SIK2: variants seen among roughly 807,000 people sequenced by gnomAD.
SIK2 encodes salt inducible kinase 2.
In SIK2, 29 loss-of-function variants were observed where a neutral mutation model predicts 103.2. The observed-to-expected ratio is 0.28, with a 90% confidence interval of 0.21 to 0.38. SIK2 has a LOEUF of 0.38. SIK2 is among the 10% of genes least tolerant of loss of function. SIK2 has a pLI of 1.00. For synonymous variants in SIK2, 412 were observed against 446.1 expected (o/e 0.92, Z 0.96); for missense variants, 879 against 1,171.0 (o/e 0.75, Z 3.64).
chr11:111,646,623 C>G (rs185652775), intron 3 of SIK2, among the ~76,000 whole-genome samples: 5 of 152,118 alleles, frequency 3.3e-5, no homozygotes, highest in African/African-American at 4.8e-5. Context: ...CCCTCACCCC[C>G]GGGCAACCAC....
Position 111,722,855 on chromosome 11 carries a change from G to A in SIK2, c.2147+99G>A, listed in dbSNP as rs576683621. 2.6e-5 allele frequency: 29 copies of A among 1,109,602 alleles called. No individual in the cohort carries two copies. In the African/African-American group the frequency reaches 3.6e-4, roughly 14 times the overall value. The allele number at this position is 1,109,602 out of a possible 1,614,324, so 68.7% of individuals were successfully genotyped here. A position where few individuals can be genotyped will look rare whatever the true frequency, so the allele number is the denominator to read the frequency against. On this transcript the variant is annotated intron_variant, in intron 14 of 14. Coordinates refer to ENST00000304987, the MANE Select transcript of SIK2 (RefSeq NM_015191.3). This position sits in a 1 kb window ranked among gnomAD's most constrained non-coding sequence, Gnocchi z 4.4. ...TTTCCTCTCACATTCGCCACTACTAGGAAAATAGGTTTTCTGCGTGTGTCA... is the reference window on the plus strand; with the variant it reads ...TTTCCTCTCACATTCGCCACTACTAAGAAAATAGGTTTTCTGCGTGTGTCA...
Position 111,727,160 on chromosome 11 carries a change from G to C in SIK2, c.*3031G>C. The stretch of plus-strand genomic sequence containing the variant: ...AGCTGCCCCCTCGCCACCTCTGCCT[G>C]CACTGCCTTCTGTCACCGTGGGAAA... On this transcript the variant is annotated 3_prime_UTR_variant, in exon 15 of 15. Transcript: ENST00000304987. 1 of 917,230 alleles carries C rather than the reference G, an allele frequency of 1.1e-6. No individual in the cohort carries two copies. The allele number at this position is 917,230 out of a possible 1,614,324, so 56.8% of individuals were successfully genotyped here.
chr11:111,608,077 TGTACCTA>T (rs1941671789), intron 1 of SIK2, among the ~76,000 whole-genome samples: 1 of 152,198 alleles, frequency 6.6e-6, no homozygotes, highest in Non-Finnish European at 1.5e-5. Context: ...TCCGCTTTAA[TGTACCTA>T]GTACCTCTTC....
chr11:111,627,351 G>C (rs541923942), intron 3 of SIK2, among the ~76,000 whole-genome samples: 4 of 152,270 alleles, frequency 2.6e-5, no homozygotes, highest in Non-Finnish European at 5.9e-5. Context: ...GATATTTTGT[G>C]AGAGACCACA....
intron 3 of SIK2, chr11:111,671,945 G>A (rs1677114044): frequency 2.1e-6 from 1 of 480,884 alleles, no homozygotes; most frequent in Admixed American, 2.2e-5. Flanking sequence ...TGCCACCAAA[G>A]GGTGTTGATG....
chr11:111,713,990 A>G (rs1943572645), intron 9 of SIK2, among the ~76,000 whole-genome samples: 2 of 152,176 alleles, frequency 1.3e-5, no homozygotes, highest in African/African-American at 4.8e-5. Flanking sequence ...ATAAAATATG[A>G]TCAGTCCTTT....
chr11:111,689,062 T>C lies in SIK2; in HGVS notation c.478+900T>C, dbSNP rs560319898. Among the ~76,000 whole-genome samples the C allele has an allele frequency of 8.7e-4, 132 of 152,246 alleles. 1 individual carries two copies. Among genetic ancestry groups the C allele is most frequent in the African/African-American group, 3.1e-3 (129 of 41,546 alleles). ...ACTTGAGAGAGAAGTTAGAGAAGCT[T>C]GTCAGGAAGATAAACAGAAGCAGAA... On this transcript the variant is annotated intron_variant, in intron 4 of 14. Transcript: ENST00000304987.
chr11:111,698,585 T>A (rs1943134749), intron 4 of SIK2, among the ~76,000 whole-genome samples: 1 of 152,092 alleles, frequency 6.6e-6, no homozygotes, highest in Non-Finnish European at 1.5e-5. Flanking sequence ...CTACTAAAAA[T>A]ACAAAAATTA....
chr11:111,602,637 C>T lies in SIK2; in HGVS notation c.74C>T (p.Thr25Met), dbSNP rs1941598704. The change falls in exon 1 of 15, where the codon ACG becomes ATG. Residue 25 changes from threonine (T) to methionine (M), a missense_variant. Physicochemically the swap from Thr to Met is moderately conservative, Grantham distance 81. Coordinates refer to ENST00000304987, the MANE Select transcript of SIK2 (RefSeq NM_015191.3). This position sits in a 1 kb window ranked among gnomAD's most constrained non-coding sequence, Gnocchi z 4.5. ...GTGGGGTTCTACGACATCGAGGGCA[C>T]GCTGGGCAAGGGCAACTTCGCTGTG... Reference protein sequence around the residue: ...VRVGFYDIEGTLGKGNFAVVK... With the variant: ...VRVGFYDIEGMLGKGNFAVVK... 2.6e-6 allele frequency: 4 copies of T among 1,532,384 alleles called. No individual in the cohort carries two copies. Among genetic ancestry groups the T allele is most frequent in the Non-Finnish European group, 1.8e-6 (2 of 1,138,756 alleles). 94.9% of individuals were successfully genotyped at this position (1,532,384 alleles called of 1,614,324 possible).
At chr11:111,619,213 T>C (rs1352261925) in intron 2 of SIK2, among the ~76,000 whole-genome samples, 1 of 152,210 alleles carries the variant, frequency 6.6e-6, no homozygotes, top group Non-Finnish European at 1.5e-5. Flanking sequence ...AGGCCCAAAC[T>C]GTAGGTAGCT....
intron 4 of SIK2, among the ~76,000 whole-genome samples, chr11:111,694,366 A>G (rs1432740624): frequency 6.6e-6 from 1 of 152,196 alleles, no homozygotes; most frequent in East Asian, 1.9e-4. Context: ...AAATGTAATT[A>G]GTATTGTATA....
At chr11:111,603,204 C>A (rs45620944) in intron 1 of SIK2, among the ~76,000 whole-genome samples, 1 of 152,152 alleles carries the variant, frequency 6.6e-6, no homozygotes, top group Non-Finnish European at 1.5e-5. Flanking sequence ...GGCGCCCCTC[C>A]CCTGCCCGAC....
chr11:111,645,819 A>G (rs958201449), intron 3 of SIK2, among the ~76,000 whole-genome samples: 8 of 151,180 alleles, frequency 5.3e-5, no homozygotes, highest in Middle Eastern at 3.4e-3. Context: ...AAAAAAAAAG[A>G]CAAAGAAGCA....
chr11:111,687,977 T>C, intron 3 of SIK2, 24 bp from the exon 4 acceptor site: 1 of 1,609,480 alleles, frequency 6.2e-7, no homozygotes, highest in Non-Finnish European at 8.5e-7. Context: ...GGTGACTAAT[T>C]CTTAATCCTC....
At chr11:111,644,835 A>G (rs546671145) in intron 3 of SIK2, among the ~76,000 whole-genome samples, 24 of 152,208 alleles carry the variant, frequency 1.6e-4, no homozygotes, top group Non-Finnish European at 2.6e-4. Context: ...TAACATAAGC[A>G]TTTTTTGAGT....
intron 4 of SIK2, among the ~76,000 whole-genome samples, chr11:111,689,310 G>C (rs1022416305): frequency 1.3e-5 from 2 of 152,176 alleles, no homozygotes; most frequent in Non-Finnish European, 2.9e-5. Flanking sequence ...TAGGGGTAAA[G>C]TGGAATTGGG....
chr11:111,645,394 C>T (rs1228204003), intron 3 of SIK2, among the ~76,000 whole-genome samples: 4 of 152,158 alleles, frequency 2.6e-5, no homozygotes, highest in Non-Finnish European at 5.9e-5. Flanking sequence ...GTACTACACT[C>T]AATGTGAATG....
At chr11:111,616,878 T>C (rs1941813900) in intron 2 of SIK2, among the ~76,000 whole-genome samples, 1 of 152,122 alleles carries the variant, frequency 6.6e-6, no homozygotes, top group African/African-American at 2.4e-5. Context: ...GCTTTTTAAC[T>C]GCAGAGTTTT....
chr11:111,677,944 T>C (rs1942726712), intron 3 of SIK2, among the ~76,000 whole-genome samples: 1 of 152,208 alleles, frequency 6.6e-6, no homozygotes, highest in Non-Finnish European at 1.5e-5. Flanking sequence ...GTAAATTAGA[T>C]CAAGTCTCTC....
Sources: gnomAD v4.1 joint callset for allele counts (sites outside exome capture counted in the v4.1 genomes callset) on GRCh38, gnomAD v4.1.1 for gene constraint, Gnocchi (gnomAD v3.1) non-coding constraint, MANE v1.5 for transcripts, NCBI Gene and HGNC (gene_info 2026-07-23, HGNC 2026-07-21) for gene names.